CERS5: variants seen among roughly 807,000 people sequenced by gnomAD.
The protein encoded by CERS5 is LAG1 homolog, ceramide synthase 5.
A neutral mutation model predicts 58.9 loss-of-function variants in CERS5; 37 were observed. The ratio of observed to expected loss-of-function variants is 0.63; its 90% CI spans 0.48 to 0.83. The LOEUF (loss-of-function observed/expected upper bound fraction) is 0.83, where lower values mean the gene tolerates loss of function less well. Among genes scored for constraint, CERS5 ranks in the 40% least tolerant of loss-of-function variants. The pLI, the probability that CERS5 is intolerant of heterozygous loss-of-function variation, is 0.00. For missense variants in CERS5, 398 were observed against 489.3 expected (o/e 0.81, Z 1.76); for synonymous variants, 147 against 177.8 (o/e 0.83, Z 1.38).
At chr12:50,162,184 CTT>C (rs75460499) in intron 1 of CERS5, among the ~76,000 whole-genome samples, 18 of 129,378 alleles carry the variant, frequency 1.4e-4, no homozygotes, top group African/African-American at 4.1e-4. Flanking sequence ...CTGATTTGTT[CTT>C]TTTTTTTTTT....
chr12:50,152,735 C>A (rs189976631), intron 1 of CERS5, among the ~76,000 whole-genome samples: 1 of 152,166 alleles, frequency 6.6e-6, no homozygotes, highest in African/African-American at 2.4e-5. Context: ...GACTGACAGA[C>A]TAACGTTAGT....
chr12:50,137,879 C>T, intron 5 of CERS5, 59 bp from the exon 6 acceptor site: 2 of 1,129,972 alleles, frequency 1.8e-6, no homozygotes, highest in Non-Finnish European at 2.7e-6. Flanking sequence ...TTCCATCTCT[C>T]CAACTTTCTC....
chr12:50,162,225 T>C (rs779175389), intron 1 of CERS5, among the ~76,000 whole-genome samples: 3 of 148,892 alleles, frequency 2.0e-5, no homozygotes, highest in Non-Finnish European at 4.4e-5. Context: ...ATGAAGTGTG[T>C]AACAGGAAAT....
intron 1 of CERS5, among the ~76,000 whole-genome samples, chr12:50,161,207 T>A (rs1156335466): frequency 6.6e-6 from 1 of 152,164 alleles, no homozygotes; most frequent in Non-Finnish European, 1.5e-5. Flanking sequence ...CTTTCTGCAG[T>A]TCTTTAACAA....
At chr12:50,145,234 G>A (rs1952205397) in intron 1 of CERS5, among the ~76,000 whole-genome samples, 2 of 150,782 alleles carry the variant, frequency 1.3e-5, no homozygotes, top group South Asian at 4.2e-4. Context: ...ATTCTATGAT[G>A]TTATCATTGA....
At chr12:50,156,092 T>A (rs1382325841) in intron 1 of CERS5, among the ~76,000 whole-genome samples, 1 of 93,856 alleles carries the variant, frequency 1.1e-5, no homozygotes, top group Non-Finnish European at 2.0e-5. Flanking sequence ...AGAGCGACAT[T>A]CTGTCTCAAA....
At chr12:50,156,247 A>G (rs1938602066) in intron 1 of CERS5, among the ~76,000 whole-genome samples, 1 of 149,398 alleles carries the variant, frequency 6.7e-6, no homozygotes, top group Admixed American at 6.7e-5. Context: ...TAAAAATACA[A>G]AAAAAAATTA....
intron 4 of CERS5, 77 bp from the exon 5 acceptor site, chr12:50,138,694 T>A: frequency 7.7e-7 from 1 of 1,300,528 alleles, no homozygotes; most frequent in Non-Finnish European, 1.1e-6. Context: ...ATAATCCCCT[T>A]CTCTCTAGGC....
At chr12:50,165,539 T>C (rs1037762115) in intron 1 of CERS5, 1 of 152,714 alleles carries the variant, frequency 6.5e-6, no homozygotes, top group African/African-American at 2.4e-5. Context: ...TCTTTATTTT[T>C]GCACTTGAAC....
chr12:50,153,852 G>C (rs1373875609), intron 1 of CERS5: 1 of 423,896 alleles, frequency 2.4e-6, no homozygotes, highest in Admixed American at 2.7e-5. Flanking sequence ...TACTTGGAAG[G>C]CTGAGGCAGG....
intron 8 of CERS5, 41 bp downstream of exon 8, chr12:50,135,688 CATT>C: frequency 7.4e-7 from 1 of 1,342,982 alleles, no homozygotes; most frequent in Non-Finnish European, 1.1e-6. Context: ...AAAAAGGTAT[CATT>C]AGGCTCATAC....
At chr12:50,144,338 C>T in intron 1 of CERS5, 1 of 327,902 alleles carries the variant, frequency 3.0e-6, no homozygotes, top group Non-Finnish European at 5.6e-6. Context: ...TAATCTTGAG[C>T]CCATCTCAGA....
At chr12:50,143,705 GAA>G (rs1174292075) in intron 2 of CERS5, 14 of 428,736 alleles carry the variant, frequency 3.3e-5, no homozygotes, top group Non-Finnish European at 5.9e-5. Context: ...TGTGTCTGGG[GAA>G]AGAGGGGTAA....
In CERS5 at chr12:50,156,437, T is replaced by TAA. The variant is rs1555198389; in HGVS notation, c.197+10662_197+10663dup. 1.5e-4 allele frequency among the ~76,000 whole-genome samples: 16 copies of TAA among 108,888 alleles called. 1 individual carries two copies. The highest frequency in any genetic ancestry group is 5.4e-4 in the South Asian group (2 of 3,714). The allele number at this position is 108,888 out of a possible 152,430, so 71.4% of individuals were successfully genotyped here. On this transcript the variant is annotated intron_variant, in intron 1 of 9. Transcript: ENST00000317551. ...CAAACAAACTATATATATATATATA[T>TAA]AAAACAATTAGTAGCCAGGTGTGGT... is the stretch of plus-strand genomic sequence containing the variant.
In CERS5 at chr12:50,134,608, GA is replaced by G; in HGVS notation, c.966del (p.Leu323CysfsTer8). The stretch of plus-strand genomic sequence containing the variant: ...ATTAGGTAGGACCAGATGACATGCA[GA>G]AGCTGTAGGGTCAGCAGCAGGCCAT... ...LLNGLLLTLQ[L>X]LHVIWSYLIA... On this transcript the variant is annotated frameshift_variant, in exon 9 of 10. Transcript: ENST00000317551. LOFTEE classifies it high-confidence loss of function. 1 of 1,614,160 alleles carries G rather than the reference GA, an allele frequency of 6.2e-7. No individual in the cohort carries two copies. Among genetic ancestry groups the G allele is most frequent in the Non-Finnish European group, 8.5e-7 (1 of 1,180,008 alleles).
At chr12:50,146,209 C>T (rs1470994576) in intron 1 of CERS5, among the ~76,000 whole-genome samples, 1 of 152,140 alleles carries the variant, frequency 6.6e-6, no homozygotes, top group East Asian at 1.9e-4. Flanking sequence ...ATAATATCTA[C>T]CTCACAGGGT....
intron 5 of CERS5, among the ~76,000 whole-genome samples, 162 bp downstream of exon 5, chr12:50,138,405 G>GAA (rs3832812): frequency 6.8e-6 from 1 of 146,986 alleles, no homozygotes; most frequent in Admixed American, 6.8e-5. Flanking sequence ...CAGTGGGGGG[G>GAA]AAAAAAAAAT....
At chr12:50,140,419 G>A (rs1951910842) in intron 4 of CERS5, among the ~76,000 whole-genome samples, 3 of 151,540 alleles carry the variant, frequency 2.0e-5, no homozygotes, top group African/African-American at 7.3e-5. Context: ...CAGCAGTTGG[G>A]ATTATAGGCA....
rs57651378 is a variant in CERS5 at position 50,140,284 on chromosome 12, AT to A, written c.493-1668del. Among the ~76,000 whole-genome samples the A allele has an allele frequency of 1.4e-3, 136 of 96,234 alleles. 1 individual carries two copies. Among genetic ancestry groups the A allele is most frequent in the South Asian group, 0.012 (31 of 2,690 alleles). The allele number at this position is 96,234 out of a possible 152,430, so 63.1% of individuals were successfully genotyped here. A position where few individuals can be genotyped will look rare whatever the true frequency, so the allele number is the denominator to read the frequency against. On this transcript the variant is annotated intron_variant, in intron 4 of 9. Transcript: ENST00000317551. ...TTGAGAAGAGTTGTTTAACTTCCAA[AT>A]TTTTTTTTTTTTTTTTTTTTTTTTG...
Sources: allele counts gnomAD v4.1 joint callset (sites outside exome capture counted in the v4.1 genomes callset), GRCh38; gene constraint gnomAD v4.1.1; transcripts MANE v1.5; gene names NCBI Gene and HGNC (gene_info 2026-07-23, HGNC 2026-07-21).